Variants in EPB41 observed in about 807,000 individuals in gnomAD.
EPB41 encodes the protein protein 4.1.
Under a neutral mutation model 108.0 loss-of-function variants are expected in EPB41, and 65 were observed. The observed-to-expected ratio is 0.60, with a 90% confidence interval of 0.49 to 0.74. EPB41 has a LOEUF of 0.74. Ranked by LOEUF, EPB41 falls within the 30% of genes least tolerant of loss-of-function variation. The pLI is 0.00. For missense variants in EPB41, 875 were observed against 1,037.0 expected, an observed-to-expected ratio of 0.84 and a Z score of 2.15; for synonymous variants, 336 against 358.9, an observed-to-expected ratio of 0.94 and a Z score of 0.72.
At chr1:29,056,700 A>G (rs187196285) in intron 12 of EPB41, among the ~76,000 whole-genome samples, 39 of 152,000 alleles carry the variant, frequency 2.6e-4, no homozygotes, top group African/African-American at 9.2e-4. Flanking sequence ...TAATTTTTGT[A>G]TTTTTGGTAG....
At chr1:29,062,098 C>T (rs61067950) in intron 15 of EPB41, among the ~76,000 whole-genome samples, 10 of 152,240 alleles carry the variant, frequency 6.6e-5, no homozygotes, top group African/African-American at 2.2e-4. Flanking sequence ...TGAAGTTTTT[C>T]GAGGCTGGAC....
intron 19 of EPB41, among the ~76,000 whole-genome samples, chr1:29,114,785 A>G (rs1366143957): frequency 2.0e-5 from 3 of 152,136 alleles, no homozygotes; most frequent in Non-Finnish European, 2.9e-5. Context: ...TTAAGTAAAA[A>G]GTAATGATAA....
rs34413393 is a variant in EPB41 at position 29,061,572 on chromosome 1, GTTTT to G, written c.2007+1111_2007+1114del. Among the ~76,000 whole-genome samples, 10 of 64,050 alleles carry G rather than the reference GTTTT, an allele frequency of 1.6e-4. No homozygotes were observed. The South Asian group carries it at 3.1e-3, about 20-fold the overall frequency. 42.0% of individuals were successfully genotyped at this position (64,050 alleles called of 152,430 possible). On this transcript the variant is annotated intron_variant, in intron 15 of 20. Coordinates refer to ENST00000343067, the MANE Select transcript of EPB41 (RefSeq NM_001376013.1). ...GCGTGAGCCACTGCGCCTGGCCTTTGTTTTTTTTTTTTTTTTTTTTTTTTTTGAG... is the reference window on the plus strand; with the variant it reads ...GCGTGAGCCACTGCGCCTGGCCTTTGTTTTTTTTTTTTTTTTTTTTTTGAG...
chr1:29,038,392 A>G (rs1415828120), intron 10 of EPB41, among the ~76,000 whole-genome samples: 1 of 152,224 alleles, frequency 6.6e-6, no homozygotes, highest in Non-Finnish European at 1.5e-5. Context: ...ACTTACTTGT[A>G]GGATGGCATA....
At chr1:28,981,144 A>G (rs1361234247) in intron 1 of EPB41, among the ~76,000 whole-genome samples, 1 of 152,216 alleles carries the variant, frequency 6.6e-6, no homozygotes, top group African/African-American at 2.4e-5. Context: ...TGGTTCAAAA[A>G]TAATTACGTG....
intron 4 of EPB41, among the ~76,000 whole-genome samples, chr1:29,002,406 T>C (rs959826747): frequency 2.0e-5 from 3 of 150,520 alleles, no homozygotes; most frequent in Admixed American, 1.3e-4. Context: ...GAGCCATGAG[T>C]ACACCACTGC....
intron 1 of EPB41, among the ~76,000 whole-genome samples, chr1:28,915,664 T>G (rs1303485251): frequency 1.3e-5 from 2 of 152,058 alleles, no homozygotes; most frequent in Non-Finnish European, 2.9e-5. Context: ...CTGTGGAGAC[T>G]TGTTTTTTGG....
At chr1:28,941,206 A>G (rs2094268942) in intron 1 of EPB41, among the ~76,000 whole-genome samples, 1 of 137,080 alleles carries the variant, frequency 7.3e-6, no homozygotes, top group African/African-American at 2.9e-5. Flanking sequence ...TGTCTCTACC[A>G]AAAAAAAAAA....
chr1:28,966,463 A>G (rs2095359089), intron 1 of EPB41, among the ~76,000 whole-genome samples: 2 of 152,242 alleles, frequency 1.3e-5, no homozygotes, highest in South Asian at 4.1e-4. Context: ...TCTGGGCAAC[A>G]GGGATGAAAC....
At chr1:28,960,926 C>A (rs938847353) in intron 1 of EPB41, among the ~76,000 whole-genome samples, 1 of 149,344 alleles carries the variant, frequency 6.7e-6, no homozygotes, top group Non-Finnish European at 1.5e-5. Context: ...CCCAGCTACT[C>A]GGGAGCCTGA....
At chr1:29,037,191 C>T (rs1163598549) in intron 10 of EPB41, among the ~76,000 whole-genome samples, 4 of 152,172 alleles carry the variant, frequency 2.6e-5, no homozygotes, top group Non-Finnish European at 5.9e-5. Context: ...CAGTGATTCT[C>T]CTGCCTCAGC....
chr1:28,891,771 G>C (rs1157380672), intron 1 of EPB41, among the ~76,000 whole-genome samples: 1 of 152,128 alleles, frequency 6.6e-6, no homozygotes, highest in Non-Finnish European at 1.5e-5. Flanking sequence ...TTATCCAGGA[G>C]TTGTGCTGGA....
At chr1:29,080,634 C>T (rs1362000460) in intron 16 of EPB41, among the ~76,000 whole-genome samples, 1 of 152,100 alleles carries the variant, frequency 6.6e-6, no homozygotes, top group Non-Finnish European at 1.5e-5. Flanking sequence ...GGCCATCCAC[C>T]CTCCCCAGCC....
chr1:29,062,452 T>C (rs1646722445), intron 15 of EPB41, among the ~76,000 whole-genome samples: 1 of 152,188 alleles, frequency 6.6e-6, no homozygotes, highest in African/African-American at 2.4e-5. Context: ...ATAAGTGTGT[T>C]TGGAAATTAA....
At chr1:28,928,574 C>T (rs955223334) in intron 1 of EPB41, among the ~76,000 whole-genome samples, 7 of 152,208 alleles carry the variant, frequency 4.6e-5, no homozygotes, top group Non-Finnish European at 8.8e-5. Flanking sequence ...AACAAAATAG[C>T]TCTCAGTAAA....
chr1:29,041,593 A>G lies in EPB41; in HGVS notation c.1636+2167A>G, dbSNP rs1444814683. 3.3e-5 allele frequency: 5 copies of G among 152,302 alleles called. No individual in the cohort carries two copies. In the East Asian group the frequency reaches 7.7e-4, roughly 24 times the overall value. 9.4% of individuals were successfully genotyped at this position (152,302 alleles called of 1,614,324 possible). ...ACAAGCCTATGCTATCTACTGTAAA[A>G]GCAAGATACATGTTGTTATGTGCAT... On this transcript the variant is annotated intron_variant, in intron 11 of 20. Coordinates refer to ENST00000343067, the MANE Select transcript of EPB41 (RefSeq NM_001376013.1).
At chr1:28,999,797 T>C (rs897565198) in intron 4 of EPB41, among the ~76,000 whole-genome samples, 1 of 152,170 alleles carries the variant, frequency 6.6e-6, no homozygotes, top group Non-Finnish European at 1.5e-5. Context: ...TTCACTTTTT[T>C]TTTTGAGACA....
At chr1:29,010,913 G>A (rs2096488504) in intron 4 of EPB41, among the ~76,000 whole-genome samples, 1 of 152,132 alleles carries the variant, frequency 6.6e-6, no homozygotes, top group East Asian at 1.9e-4. Context: ...AGGAGTTGGA[G>A]ACCAGCCTGA....
rs375161578 is a variant in EPB41 at position 29,082,008 on chromosome 1, G to A, written c.2185-15799G>A. Among the ~76,000 whole-genome samples the A allele has an allele frequency of 3.3e-5, 5 of 152,226 alleles. No individual in the cohort carries two copies. In the East Asian group the frequency reaches 5.8e-4, roughly 18 times the overall value. On this transcript the variant is annotated intron_variant, in intron 16 of 20. Transcript: ENST00000343067. The stretch of plus-strand genomic sequence containing the variant: ...CAGAAAGCCATTTTCACTATTATAC[G>A]ATTTCTCAAGAAGATAAAACATAGC...
Sources: gnomAD v4.1 joint callset for allele counts (sites outside exome capture counted in the v4.1 genomes callset) on GRCh38, gnomAD v4.1.1 for gene constraint, MANE v1.5 for transcripts, NCBI Gene and HGNC (gene_info 2026-07-23, HGNC 2026-07-21) for gene names.